The following COPG2 variants were observed in gnomAD, a reference collection of about 807,000 sequenced individuals.
The protein encoded by COPG2 is coatomer subunit gamma-2.
In COPG2, 37 loss-of-function variants were observed where a neutral mutation model predicts 46.3. The ratio of observed to expected loss-of-function variants is 0.80; its 90% CI spans 0.61 to 1.05. The LOEUF is 1.05. COPG2 is among the 50% of genes least tolerant of loss of function. The pLI is 0.00. For missense variants in COPG2, 427 were observed against 387.8 expected, an observed-to-expected ratio of 1.10 and a Z score of -0.85; for synonymous variants, 159 against 129.7, an observed-to-expected ratio of 1.23 and a Z score of -1.53.
At chr7:130,599,155 T>A (rs1794584914) in intron 9 of COPG2, among the ~76,000 whole-genome samples, 1 of 152,016 alleles carries the variant, frequency 6.6e-6, no homozygotes, top group Non-Finnish European at 1.5e-5. Context: ...TCATCAACCC[T>A]TAAGAATAAG....
intron 9 of COPG2, among the ~76,000 whole-genome samples, chr7:130,607,051 G>A (rs959299206): frequency 1.3e-5 from 2 of 151,760 alleles, no homozygotes; most frequent in Non-Finnish European, 2.9e-5. Flanking sequence ...GACCGGCCTG[G>A]GCAACACTGC....
intron 4 of COPG2, among the ~76,000 whole-genome samples, chr7:130,662,622 T>G (rs1554460938): frequency 6.6e-6 from 1 of 152,236 alleles, no homozygotes; most frequent in Non-Finnish European, 1.5e-5. Flanking sequence ...CCAGCACTGC[T>G]GACTAACAGC....
intron 7 of COPG2, among the ~76,000 whole-genome samples, chr7:130,612,876 A>C: frequency 6.6e-6 from 1 of 152,320 alleles, no homozygotes; most frequent in East Asian, 1.9e-4. Flanking sequence ...GACAAGTAGT[A>C]GAAGTCATAA....
chr7:130,645,763 A>G (rs1201807371), intron 5 of COPG2, among the ~76,000 whole-genome samples: 10 of 152,018 alleles, frequency 6.6e-5, no homozygotes, highest in African/African-American at 2.4e-4. Flanking sequence ...GTCACGGTGG[A>G]GAAGGACTCT....
intron 21 of COPG2, chr7:130,508,341 T>C: frequency 2.4e-6 from 1 of 422,670 alleles, no homozygotes; most frequent in Admixed American, 4.0e-5. Flanking sequence ...AAGGGTGAGT[T>C]TGTTTTAATG....
Position 130,668,366 on chromosome 7 carries a change from G to C in COPG2, c.37+266C>G, listed in dbSNP as rs1182274447. On this transcript the variant is annotated intron_variant, in intron 1 of 23. Coordinates refer to ENST00000425248, the MANE Select transcript of COPG2 (RefSeq NM_012133.6). ...GCAGGGGAGGAGGCGGCTCGGAGGG[G>C]CTGCGCCGCAAGAGGGGCGGGAACG... 2.0e-5 allele frequency among the ~76,000 whole-genome samples: 3 copies of C among 150,534 alleles called. No individual in the cohort carries two copies. In the East Asian group the frequency reaches 5.9e-4, roughly 30 times the overall value.
intron 9 of COPG2, among the ~76,000 whole-genome samples, chr7:130,582,051 C>T (rs1254137628): frequency 1.3e-5 from 2 of 152,006 alleles, no homozygotes; most frequent in Admixed American, 6.6e-5. Context: ...CAATCCTAAG[C>T]CAAAAGAACA....
intron 5 of COPG2, among the ~76,000 whole-genome samples, chr7:130,633,462 T>C (rs550420952): frequency 1.3e-5 from 2 of 152,352 alleles, no homozygotes; most frequent in African/African-American, 2.4e-5. Flanking sequence ...TGGTATCTCA[T>C]TGTGGTTTTG....
At chr7:130,617,191 G>A in intron 5 of COPG2, 126 bp from the exon 6 acceptor site, 1 of 546,184 alleles carries the variant, frequency 1.8e-6, no homozygotes, top group Non-Finnish European at 3.3e-6. Flanking sequence ...AATATTTATG[G>A]AGCATATTCT....
At chr7:130,621,742 C>T (rs954003610) in intron 5 of COPG2, among the ~76,000 whole-genome samples, 1 of 151,546 alleles carries the variant, frequency 6.6e-6, no homozygotes, top group African/African-American at 2.4e-5. Flanking sequence ...CAGGAGTTCG[C>T]GACCAGCCTG....
At chr7:130,566,961 C>A (rs1793814234) in intron 9 of COPG2, among the ~76,000 whole-genome samples, 1 of 152,152 alleles carries the variant, frequency 6.6e-6, no homozygotes, top group Non-Finnish European at 1.5e-5. Context: ...CACTGCACCA[C>A]TACACACAAT....
intron 9 of COPG2, among the ~76,000 whole-genome samples, chr7:130,586,220 G>T (rs1218773208): frequency 6.6e-6 from 1 of 152,000 alleles, no homozygotes; most frequent in Non-Finnish European, 1.5e-5. Context: ...CTCAGGAATT[G>T]AAAACCAAAC....
chr7:130,610,826 A>G, intron 9 of COPG2, 127 bp downstream of exon 9: 2 of 917,788 alleles, frequency 2.2e-6, no homozygotes, highest in South Asian at 1.4e-5. Flanking sequence ...TTTTTAAAAA[A>G]TTGAAAAACA....
intron 20 of COPG2, among the ~76,000 whole-genome samples, chr7:130,516,721 A>G (rs1244490465): frequency 6.6e-6 from 1 of 152,210 alleles, no homozygotes; most frequent in Non-Finnish European, 1.5e-5. Context: ...TTGTGTATTA[A>G]CAAGGAGAGA....
intron 20 of COPG2, among the ~76,000 whole-genome samples, chr7:130,535,086 T>A (rs1202209155): frequency 6.6e-6 from 1 of 151,826 alleles, no homozygotes; most frequent in African/African-American, 2.4e-5. Flanking sequence ...GATGGAAAAG[T>A]TTGAGCGGTG....
intron 2 of COPG2, 77 bp downstream of exon 2, chr7:130,667,405 A>G (rs1796108441): frequency 8.5e-7 from 1 of 1,182,684 alleles, no homozygotes; most frequent in Admixed American, 1.9e-5. Context: ...TCGTGATCAC[A>G]GCAGCCCAGG....
intron 9 of COPG2, among the ~76,000 whole-genome samples, chr7:130,570,035 C>A (rs960312627): frequency 6.6e-6 from 1 of 152,108 alleles, no homozygotes; most frequent in Non-Finnish European, 1.5e-5. Flanking sequence ...TCAGCAAAAT[C>A]GGCACAGAGG....
intron 5 of COPG2, among the ~76,000 whole-genome samples, chr7:130,649,418 AAC>A (rs1161674779): frequency 6.6e-6 from 1 of 152,214 alleles, no homozygotes; most frequent in African/African-American, 2.4e-5. Context: ...GGCAAAAAGA[AAC>A]TAGGCCATAA....
chr7:130,559,521 A>T (rs1027711885), intron 12 of COPG2, among the ~76,000 whole-genome samples: 1 of 151,912 alleles, frequency 6.6e-6, no homozygotes, highest in African/African-American at 2.4e-5. Context: ...GAGCCCAAAG[A>T]CTGACTGACT....
Sources: gnomAD v4.1 joint callset for allele counts (sites outside exome capture counted in the v4.1 genomes callset) on GRCh38, gnomAD v4.1.1 for gene constraint, MANE v1.5 for transcripts, NCBI Gene and HGNC (gene_info 2026-07-23, HGNC 2026-07-21) for gene names.